The following KALRN variants were observed in gnomAD, a reference collection of about 807,000 sequenced individuals.
KALRN encodes the protein kalirin RhoGEF kinase.
In KALRN, 70 loss-of-function variants were observed where a neutral mutation model predicts 353.7. That is an observed-to-expected ratio of 0.20 (90% CI 0.16 to 0.24). The LOEUF is 0.24. KALRN is among the 10% of genes least tolerant of loss of function. The pLI is 1.00. For synonymous variants in KALRN, 1,391 were observed against 1,434.8 expected (o/e 0.97, Z 0.69); for missense variants, 2,791 against 3,756.7 (o/e 0.74, Z 6.72).
Position 124,671,801 on chromosome 3 carries a change from G to A in KALRN, c.6845G>A (p.Ser2282Asn). The A allele has an allele frequency of 5.0e-6, 8 of 1,614,208 alleles. No individual in the cohort carries two copies. The highest frequency in any genetic ancestry group is 6.8e-6 in the Non-Finnish European group (8 of 1,180,016). Reference protein sequence around the residue: ...AGSEKPPKGSSYNPPLPPLKI... With the variant: ...AGSEKPPKGSNYNPPLPPLKI... Reference sequence around the variant, plus strand: ...TCAGAGAAGCCCCCAAAGGGCTCCAGCTATAACCCACCTCTGCCTCCCCTG... The same window carrying A: ...TCAGAGAAGCCCCCAAAGGGCTCCAACTATAACCCACCTCTGCCTCCCCTG... The change falls in exon 48 of 60, where the codon AGC becomes AAC. Residue 2282 changes from serine to asparagine, a missense_variant. Coordinates refer to ENST00000682506, the MANE Select transcript of KALRN (RefSeq NM_001388419.1).
At chr3:124,439,696 G>A (rs570697612) in intron 18 of KALRN, among the ~76,000 whole-genome samples, 94 of 152,284 alleles carry the variant, frequency 6.2e-4, no homozygotes, top group Admixed American at 9.8e-4. Flanking sequence ...TGTATTAAGA[G>A]AGAAATGCCT....
intron 1 of KALRN, among the ~76,000 whole-genome samples, chr3:124,118,358 A>T (rs1023109338): frequency 6.6e-6 from 1 of 152,142 alleles, no homozygotes; most frequent in African/African-American, 2.4e-5. Context: ...CCTGTGAAGT[A>T]AACAGGGAAT....
At chr3:124,551,759 C>A (rs1402422140) in intron 33 of KALRN, among the ~76,000 whole-genome samples, 2 of 152,206 alleles carry the variant, frequency 1.3e-5, no homozygotes, top group African/African-American at 4.8e-5. Context: ...TTGTCACATT[C>A]AGCATGCATA....
chr3:124,161,636 T>C (rs917605117), intron 1 of KALRN, among the ~76,000 whole-genome samples: 3 of 152,244 alleles, frequency 2.0e-5, no homozygotes, highest in Admixed American at 6.5e-5. Flanking sequence ...CGTGTTATTA[T>C]GGACTCTGTC....
intron 34 of KALRN, among the ~76,000 whole-genome samples, chr3:124,576,603 C>CTTCT (rs1404627164): frequency 6.6e-6 from 1 of 152,152 alleles, no homozygotes; most frequent in Non-Finnish European, 1.5e-5. Context: ...GGTCATTATC[C>CTTCT]ACATTCCATT....
chr3:124,441,815 G>A, intron 18 of KALRN, 130 bp from the exon 19 acceptor site: 1 of 537,554 alleles, frequency 1.9e-6, no homozygotes, highest in African/African-American at 2.0e-5. Flanking sequence ...AACAGAGTGA[G>A]ACTCTGTCTC....
chr3:124,512,774 T>G (rs2066086356), intron 33 of KALRN, among the ~76,000 whole-genome samples: 1 of 152,202 alleles, frequency 6.6e-6, no homozygotes, highest in Non-Finnish European at 1.5e-5. Flanking sequence ...TGTGCATGTA[T>G]GTATGCATAT....
chr3:124,134,555 T>C (rs6798615), intron 1 of KALRN, among the ~76,000 whole-genome samples: 14,739 of 152,212 alleles, frequency 0.097, 2,340 homozygotes, highest in African/African-American at 0.33. Context: ...AGCTTTTGCA[T>C]GGCAAAAGGA....
At chr3:124,709,849 G>C (rs994542693) in intron 57 of KALRN, among the ~76,000 whole-genome samples, 10 of 152,192 alleles carry the variant, frequency 6.6e-5, no homozygotes, top group Admixed American at 6.5e-4. Context: ...CCTAATGGAT[G>C]AAAATAGATC....
chr3:124,269,107 C>T lies in KALRN; in HGVS notation c.821C>T (p.Ala274Val). The T allele has an allele frequency of 6.2e-7, 1 of 1,613,170 alleles. No individual in the cohort carries two copies. ...FSGRNCIPGS[A>V]DFQSLVPKIT... Reference sequence around the variant, plus strand: ...GGACGCAACTGCATCCCGGGCAGTGCTGACTTCCAGAGCCTGGTGCCCAAG... The same window carrying T: ...GGACGCAACTGCATCCCGGGCAGTGTTGACTTCCAGAGCCTGGTGCCCAAG... The change falls in exon 5 of 60, where the codon GCT becomes GTT. Residue 274 changes from alanine (A) to valine (V), a missense_variant. Ala to Val is a moderately conservative substitution (Grantham distance 64). Around this residue, in one of 11 missense-constraint regions of KALRN, gnomAD observed 366 missense variants for 489.2 expected, o/e 0.75. Coordinates refer to ENST00000682506, the MANE Select transcript of KALRN (RefSeq NM_001388419.1).
chr3:124,296,490 G>A (rs2149194247), intron 5 of KALRN, among the ~76,000 whole-genome samples: 1 of 152,250 alleles, frequency 6.6e-6, no homozygotes, highest in South Asian at 2.1e-4. Flanking sequence ...AGGACTCCGG[G>A]TCCTCGCCCT....
At chr3:124,623,060 GTTTC>G (rs2079462566) in intron 34 of KALRN, among the ~76,000 whole-genome samples, 1 of 151,926 alleles carries the variant, frequency 6.6e-6, no homozygotes, top group African/African-American at 2.4e-5. Flanking sequence ...GTCTATACAG[GTTTC>G]TTTCTTTTCT....
chr3:124,231,718 T>C (rs1037829717), intron 2 of KALRN, among the ~76,000 whole-genome samples: 2 of 152,158 alleles, frequency 1.3e-5, no homozygotes, highest in African/African-American at 4.8e-5. Flanking sequence ...TTTATTTTTT[T>C]TTTTTAATCT....
intron 33 of KALRN, among the ~76,000 whole-genome samples, chr3:124,505,301 C>G (rs924068717): frequency 6.6e-6 from 1 of 152,074 alleles, no homozygotes; most frequent in African/African-American, 2.4e-5. Context: ...TAGAGGCAAG[C>G]TCTTCTGGTA....
At chr3:124,412,852 AC>A (rs1448560700) in intron 13 of KALRN, among the ~76,000 whole-genome samples, 3 of 152,244 alleles carry the variant, frequency 2.0e-5, no homozygotes, top group African/African-American at 7.2e-5. Flanking sequence ...GCACAATAGA[AC>A]ACAGGAACCA....
intron 19 of KALRN, among the ~76,000 whole-genome samples, chr3:124,445,643 G>A (rs2093812717): frequency 2.0e-5 from 3 of 152,178 alleles, no homozygotes; most frequent in Admixed American, 2.0e-4. Context: ...TGCCGTTAAA[G>A]TGCTGTGTGC....
chr3:124,274,259 C>T (rs957791716), intron 5 of KALRN, among the ~76,000 whole-genome samples: 2 of 152,224 alleles, frequency 1.3e-5, no homozygotes, highest in African/African-American at 4.8e-5. Flanking sequence ...TGATGACAGT[C>T]ATTATGACCT....
chr3:124,663,177 C>T (rs1167809717), intron 45 of KALRN, among the ~76,000 whole-genome samples: 1 of 152,174 alleles, frequency 6.6e-6, no homozygotes, highest in Non-Finnish European at 1.5e-5. Context: ...GAACTCCCGA[C>T]CTCAGGTGAT....
At chr3:124,672,226 G>A (rs1325663342) in intron 48 of KALRN, among the ~76,000 whole-genome samples, 1 of 152,196 alleles carries the variant, frequency 6.6e-6, no homozygotes, top group South Asian at 2.1e-4. Context: ...GGGATTACAG[G>A]TGTGAGCCAC....
Sources: allele counts gnomAD v4.1 joint callset (sites outside exome capture counted in the v4.1 genomes callset), GRCh38; gene constraint gnomAD v4.1.1; regional missense constraint gnomAD v4.1.1; transcripts MANE v1.5; gene names NCBI Gene and HGNC (gene_info 2026-07-23, HGNC 2026-07-21).